The following NOS2 variants were observed in gnomAD, a reference collection of about 807,000 sequenced individuals.
The protein encoded by NOS2 is nitric oxide synthase 2, also known as nitric oxide synthase, inducible.
A neutral mutation model predicts 136.0 loss-of-function variants in NOS2; 96 were observed. The ratio of observed to expected loss-of-function variants is 0.71; its 90% CI spans 0.60 to 0.84. NOS2 has a LOEUF of 0.84. Among genes scored for constraint, NOS2 ranks in the 40% least tolerant of loss-of-function variants. NOS2 has a pLI of 0.00. For synonymous variants in NOS2, 539 were observed against 587.5 expected, an observed-to-expected ratio of 0.92 and a Z score of 1.20; for missense variants, 1,237 against 1,496.9, an observed-to-expected ratio of 0.83 and a Z score of 2.87.
chr17:27,793,166 C>T (rs1909245343), intron 2 of NOS2, among the ~76,000 whole-genome samples: 1 of 142,510 alleles, frequency 7.0e-6, no homozygotes, highest in Non-Finnish European at 1.5e-5. Flanking sequence ...CCTCGCCTTA[C>T]ACCAAGAGTG....
At chr17:27,770,217 C>T (rs560889363) in intron 15 of NOS2, among the ~76,000 whole-genome samples, 4 of 152,286 alleles carry the variant, frequency 2.6e-5, no homozygotes, top group South Asian at 2.1e-4. Flanking sequence ...CGGTGGCTCA[C>T]GCCTATAATC....
intron 18 of NOS2, 128 bp downstream of exon 18, chr17:27,767,577 A>T (rs1908345797): frequency 1.8e-6 from 2 of 1,082,198 alleles, no homozygotes. Context: ...AGGCTCTTGC[A>T]TGCAGTGAGA....
At chr17:27,781,281 C>T in intron 7 of NOS2, 104 bp from the exon 8 acceptor site, 2 of 1,329,126 alleles carry the variant, frequency 1.5e-6, no homozygotes, top group South Asian at 1.4e-5. Flanking sequence ...CTCTGCAGCC[C>T]CTGATCCCAA....
In NOS2 at chr17:27,781,173, C is replaced by A. The variant is rs1159277633; in HGVS notation, c.727G>T (p.Ala243Ser). 13 of 1,605,784 alleles carry A rather than the reference C, an allele frequency of 8.1e-6. No homozygotes were observed. The highest frequency in any genetic ancestry group is 1.1e-5 in the Non-Finnish European group (13 of 1,179,570). ...CTCCGCTGGGGGAACACGGTGATGG[C>A]CGACCTTCCCAGGACAGGAACAGTA... ...YSTNNGNIRS[A>S]ITVFPQRSDG... is the part of the protein sequence containing the mutation. Residue 243 changes from alanine (A) to serine (S), a missense_variant, in exon 8 of 27, where the codon GCC becomes TCC. Transcript: ENST00000313735.
intron 2 of NOS2, chr17:27,793,525 G>A: frequency 2.5e-6 from 1 of 396,024 alleles, no homozygotes. Flanking sequence ...AGAGAGATGG[G>A]GCCCCGCCCG....
At chr17:27,769,637 G>GT in intron 15 of NOS2, 53 bp from the exon 16 acceptor site, 1 of 1,480,564 alleles carries the variant, frequency 6.8e-7, no homozygotes, top group Middle Eastern at 1.7e-4. Context: ...TAAAAACACT[G>GT]TTTTTTCCTT....
chr17:27,757,721 T>G (rs1437335516), intron 26 of NOS2, among the ~76,000 whole-genome samples: 1 of 152,214 alleles, frequency 6.6e-6, no homozygotes, highest in Non-Finnish European at 1.5e-5. Context: ...CCAGAAGTCT[T>G]GTAGTAAAGC....
intron 18 of NOS2, among the ~76,000 whole-genome samples, chr17:27,767,000 CAAAAAAAAAAAAAA>C (rs11428460): frequency 1.4e-4 from 6 of 42,788 alleles, no homozygotes; most frequent in African/African-American, 5.7e-4. Context: ...GACTCCGTCT[CAAAAAAAAAAAAAA>C]AAAAAAAAAA....
At chr17:27,771,493 G>A (rs1908494503) in intron 14 of NOS2, among the ~76,000 whole-genome samples, 1 of 152,222 alleles carries the variant, frequency 6.6e-6, no homozygotes, top group African/African-American at 2.4e-5. Flanking sequence ...AGACTCCTGG[G>A]AGCCAGCAGG....
intron 2 of NOS2, among the ~76,000 whole-genome samples, chr17:27,794,720 A>G (rs1020002475): frequency 1.0e-4 from 15 of 150,658 alleles, no homozygotes; most frequent in Non-Finnish European, 7.4e-5. Context: ...ACGCGCACAC[A>G]CACACACACA....
At chr17:27,772,597 C>A in intron 13 of NOS2, 145 bp from the exon 14 acceptor site, 1 of 873,090 alleles carries the variant, frequency 1.1e-6, no homozygotes, top group Non-Finnish European at 1.7e-6. Context: ...CAGCCATGTA[C>A]CGTGACAACT....
chr17:27,795,066 C>T (rs1347985756), intron 2 of NOS2, among the ~76,000 whole-genome samples: 1 of 151,922 alleles, frequency 6.6e-6, no homozygotes, highest in African/African-American at 2.4e-5. Context: ...CCCAGTACAC[C>T]CACAACTACG....
At chr17:27,782,869 T>G in intron 6 of NOS2, 75 bp downstream of exon 6, 1 of 1,436,346 alleles carries the variant, frequency 7.0e-7, no homozygotes, top group Non-Finnish European at 9.7e-7. Context: ...CACAGCTCTG[T>G]GTGGCTGTTC....
intron 2 of NOS2, among the ~76,000 whole-genome samples, chr17:27,795,718 T>C (rs1909333296): frequency 6.6e-6 from 1 of 152,224 alleles, no homozygotes; most frequent in Non-Finnish European, 1.5e-5. Context: ...ATAACTAAAA[T>C]TCCTTCCTTG....
At position 27,756,948 on chromosome 17, in the gene NOS2, T is replaced by C; in HGVS notation, c.*298A>G. 1 of 369,876 alleles carries C rather than the reference T, an allele frequency of 2.7e-6. No homozygotes were observed. Among genetic ancestry groups the C allele is most frequent in the Non-Finnish European group, 4.8e-6 (1 of 208,264 alleles). The allele number at this position is 369,876 out of a possible 1,614,324, so 22.9% of individuals were successfully genotyped here. ...AGCACCTCCTGGTGGTCACTTGAAGTGGTGCACTCAGCAGCAAGTTCCATC... is the reference window on the plus strand; with the variant it reads ...AGCACCTCCTGGTGGTCACTTGAAGCGGTGCACTCAGCAGCAAGTTCCATC... On this transcript the variant is annotated 3_prime_UTR_variant, in exon 27 of 27. Coordinates refer to ENST00000313735, the MANE Select transcript of NOS2 (RefSeq NM_000625.4).
In NOS2 at chr17:27,800,460, AT is replaced by A. The variant is rs1163628391; in HGVS notation, c.-196del. The A allele has an allele frequency of 6.6e-6, 1 of 152,190 alleles. No individual in the cohort carries two copies. Among genetic ancestry groups the A allele is most frequent in the African/African-American group, 2.4e-5 (1 of 41,408 alleles). The allele number at this position is 152,190 out of a possible 1,614,324, so 9.4% of individuals were successfully genotyped here. ...TCCCCTCATCAAAGGTGGCCGAGAG[AT>A]TTTAAAGCAGGAATGAGGCTGAGTT... On this transcript the variant is annotated 5_prime_UTR_variant, in exon 1 of 27. Transcript: ENST00000313735.
intron 22 of NOS2, among the ~76,000 whole-genome samples, chr17:27,762,007 G>A (rs767522006): frequency 3.3e-5 from 5 of 152,144 alleles, no homozygotes; most frequent in South Asian, 2.1e-4. Flanking sequence ...CAGAGGGCTC[G>A]GAAGTGTGGG....
In NOS2 at chr17:27,767,887, C is replaced by A. The variant is rs757931190; in HGVS notation, c.2035-50G>T. ...GGTTAATGGTCAGCAGCAGCAGCAT[C>A]CCCACCACTGGGGCTACCACTTTTT... On this transcript the variant is annotated intron_variant, in intron 17 of 26. Coordinates refer to ENST00000313735, the MANE Select transcript of NOS2 (RefSeq NM_000625.4). 3.1e-6 allele frequency: 5 copies of A among 1,606,746 alleles called. No homozygotes were observed. In the Admixed American group the frequency reaches 8.3e-5, roughly 27 times the overall value.
In NOS2 at chr17:27,769,003, G is replaced by C. The variant is rs200815966; in HGVS notation, c.2008C>G (p.Arg670Gly). The C allele has an allele frequency of 2.5e-6, 4 of 1,610,624 alleles. No individual in the cohort carries two copies. In the East Asian group the frequency reaches 8.9e-5, roughly 36 times the overall value. The change falls in exon 17 of 27, where the codon CGC (arginine) becomes GGC (glycine). Residue 670 changes from arginine to glycine, a missense_variant. Around this residue, in one of 3 missense-constraint regions of NOS2, gnomAD observed 782 missense variants for 909.9 expected, o/e 0.86. Transcript: ENST00000313735. Reference protein sequence around the residue: ...DELSGQEDAFRSWAVQTFKAA... With the variant: ...DELSGQEDAFGSWAVQTFKAA... ...TTGAAGGTTTGCACGGCCCAGCTGC[G>C]GAAGGCGTCCTCCTGCCCACTGAGC...
Sources: allele counts gnomAD v4.1 joint callset (sites outside exome capture counted in the v4.1 genomes callset), GRCh38; gene constraint gnomAD v4.1.1; regional missense constraint gnomAD v4.1.1; transcripts MANE v1.5; gene names NCBI Gene and HGNC (gene_info 2026-07-23, HGNC 2026-07-21).